Variants in TKT observed in about 807,000 individuals in gnomAD.
TKT encodes transketolase.
A neutral mutation model predicts 63.9 loss-of-function variants in TKT; 47 were observed. The ratio of observed to expected loss-of-function variants is 0.74; its 90% CI spans 0.58 to 0.94. The LOEUF is 0.94. Among genes scored for constraint, TKT ranks in the 40% least tolerant of loss-of-function variants. The pLI, the probability that TKT is intolerant of heterozygous loss-of-function variation, is 0.00. For missense variants in TKT, 721 were observed against 846.2 expected, an observed-to-expected ratio of 0.85 and a Z score of 1.84; for synonymous variants, 338 against 334.1, an observed-to-expected ratio of 1.01 and a Z score of -0.13.
Position 53,237,405 on chromosome 3 carries a change from CAAAA to C in TKT, c.438-2235_438-2232del, listed in dbSNP as rs372971651. On this transcript the variant is annotated intron_variant, in intron 4 of 13. Transcript: ENST00000462138. ...TCCATCTCAAAAAAACAAAACAAAA[CAAAA>C]AAAACCAGCTCTCCACTGTTAATAT... Among the ~76,000 whole-genome samples, 845 of 147,970 alleles carry C rather than the reference CAAAA, an allele frequency of 5.7e-3. 4 individuals are homozygous for C. The highest frequency in any genetic ancestry group is 0.019 in the African/African-American group (781 of 40,126).
At chr3:53,226,080 T>TCGGCAGCG in intron 13 of TKT, 149 bp from the exon 14 acceptor site, 1 of 666,346 alleles carries the variant, frequency 1.5e-6, no homozygotes, top group Admixed American at 3.4e-5. Context: ...ACATAACTCA[T>TCGGCAGCG]TGATTTTTTT....
At chr3:53,243,261 G>A (rs1410555976) in intron 1 of TKT, among the ~76,000 whole-genome samples, 1 of 152,048 alleles carries the variant, frequency 6.6e-6, no homozygotes, top group Non-Finnish European at 1.5e-5. Context: ...AAGCCCTCTG[G>A]TCCCAGGGTT....
chr3:53,228,465 T>C (rs1437450077), intron 10 of TKT, 106 bp from the exon 11 acceptor site: 1 of 1,273,050 alleles, frequency 7.9e-7, no homozygotes, highest in African/African-American at 1.5e-5. Flanking sequence ...CGTTAGTTAC[T>C]GCATCCTGGC....
chr3:53,235,820 T>G (rs1404750540), intron 4 of TKT, among the ~76,000 whole-genome samples: 2 of 152,220 alleles, frequency 1.3e-5, no homozygotes, highest in African/African-American at 4.8e-5. Flanking sequence ...ACCTGGCTCT[T>G]TCTCTACCAC....
At chr3:53,249,692 G>A (rs1705666561) in intron 1 of TKT, among the ~76,000 whole-genome samples, 1 of 151,622 alleles carries the variant, frequency 6.6e-6, no homozygotes. Context: ...TCCACCCAGT[G>A]CACAAATGCA....
At chr3:53,252,459 CCTT>C (rs1705791369) in intron 1 of TKT, among the ~76,000 whole-genome samples, 1 of 152,216 alleles carries the variant, frequency 6.6e-6, no homozygotes, top group Non-Finnish European at 1.5e-5. Flanking sequence ...AGTTTTCCCT[CCTT>C]TTTTGCATAT....
At position 53,228,987 on chromosome 3, in the gene TKT, A is replaced by G; in HGVS notation, c.1395+20T>C. On this transcript the variant is annotated intron_variant, in intron 10 of 13. Coordinates refer to ENST00000462138, the MANE Select transcript of TKT (RefSeq NM_001064.4). Reference sequence around the variant, plus strand: ...GAAGTGATGGCTGCCAGCAGGAGAAAGAACAGCCATGCAACCTACCTTTGT... The same window carrying G: ...GAAGTGATGGCTGCCAGCAGGAGAAGGAACAGCCATGCAACCTACCTTTGT... 6.2e-7 allele frequency: 1 copy of G among 1,613,710 alleles called. No homozygotes were observed. Among genetic ancestry groups the G allele is most frequent in the East Asian group, 2.2e-5 (1 of 44,882 alleles).
rs559894202 is a variant in TKT, at chr3:53,228,689, A to G, written c.1395+318T>C. 49 of 509,088 alleles carry G rather than the reference A, an allele frequency of 9.6e-5. No homozygotes were observed. In the East Asian group the frequency reaches 1.7e-3, roughly 17 times the overall value. 31.5% of individuals were successfully genotyped at this position (509,088 alleles called of 1,614,324 possible). A position where few individuals can be genotyped will look rare whatever the true frequency, so the allele number is the denominator to read the frequency against. On this transcript the variant is annotated intron_variant, in intron 10 of 13. Transcript: ENST00000462138. ...TGGCATGCAGCTCCGGGCCTGGACC[A>G]CAGGGCTCAGCTCATCCTTGCCTGT...
chr3:53,233,097 C>A, intron 6 of TKT, 59 bp downstream of exon 6: 1 of 1,457,198 alleles, frequency 6.9e-7, no homozygotes. Context: ...GTCAGAGCTA[C>A]GTAGCCACAG....
chr3:53,229,150 G>T lies in TKT; in HGVS notation c.1265-13C>A. The T allele has an allele frequency of 6.2e-7, 1 of 1,614,118 alleles. No homozygotes were observed. The highest frequency in any genetic ancestry group is 1.1e-5 in the South Asian group (1 of 91,084). On this transcript the variant is annotated splice_polypyrimidine_tract_variant and intron_variant, in intron 9 of 13. Transcript: ENST00000462138. ...GGCCCGTCTTCCCCTGGGGTGTGGG[G>T]GAAAGGATATGCAGAAATAAGACCC...
At position 53,242,204 on chromosome 3, in the gene TKT, GC is replaced by G; in HGVS notation, c.145del (p.Ala49LeufsTer50). 1.2e-6 allele frequency: 2 copies of G among 1,614,142 alleles called. No individual in the cohort carries two copies. The highest frequency in any genetic ancestry group is 1.7e-6 in the Non-Finnish European group (2 of 1,180,026). Reference sequence around the variant, plus strand: ...GCGCATGGTGTGGAAAAAGAGGACAGCCATGATCTCTGCGGCGCTGCAGCAT... The same window carrying G: ...GCGCATGGTGTGGAAAAAGAGGACAGCATGATCTCTGCGGCGCTGCAGCAT... ...TSCCSAAEIM[A>X]VLFFHTMRYK... On this transcript the variant is annotated frameshift_variant, in exon 2 of 14. Coordinates refer to ENST00000462138, the MANE Select transcript of TKT (RefSeq NM_001064.4). LOFTEE classifies it high-confidence loss of function.
Position 53,242,247 on chromosome 3 carries a change from G to A in TKT, c.108-5C>T. ...CTGCAGCATGACGTGGGGTGGCTGTGGCCCAGGAGAGAAGACAGACACAGG... is the reference window on the plus strand; with the variant it reads ...CTGCAGCATGACGTGGGGTGGCTGTAGCCCAGGAGAGAAGACAGACACAGG... On this transcript the variant is annotated splice_region_variant and splice_polypyrimidine_tract_variant and intron_variant, in intron 1 of 13. Transcript: ENST00000462138. The A allele has an allele frequency of 6.2e-7, 1 of 1,613,656 alleles. No individual in the cohort carries two copies. The highest frequency in any genetic ancestry group is 2.2e-5 in the East Asian group (1 of 44,884).
At chr3:53,228,026 T>G in intron 12 of TKT, 30 bp downstream of exon 12, 1 of 1,603,234 alleles carries the variant, frequency 6.2e-7, no homozygotes, top group South Asian at 1.1e-5. Flanking sequence ...GGCCGCTCAG[T>G]TGATGACTTT....
chr3:53,228,574 G>A (rs1320090532), intron 10 of TKT: 1 of 571,024 alleles, frequency 1.8e-6, no homozygotes, highest in African/African-American at 1.9e-5. Flanking sequence ...CAGACCGAAG[G>A]CAACTTTCCA....
Position 53,229,183 on chromosome 3 carries a change from C to G in TKT, c.1265-46G>C, listed in dbSNP as rs577359444. The G allele has an allele frequency of 3.7e-6, 6 of 1,613,564 alleles. No homozygotes were observed. The African/African-American group carries it at 4.0e-5, about 11-fold the overall frequency. The stretch of plus-strand genomic sequence containing the variant: ...TATGCAGAAATAAGACCCCTACCCC[C>G]CCATCCATGGGCTGGAATCCTGGCC... On this transcript the variant is annotated intron_variant, in intron 9 of 13. Coordinates refer to ENST00000462138, the MANE Select transcript of TKT (RefSeq NM_001064.4).
At chr3:53,231,661 T>C in intron 6 of TKT, 111 bp from the exon 7 acceptor site, 3 of 1,182,898 alleles carry the variant, frequency 2.5e-6, no homozygotes, top group Middle Eastern at 2.7e-4. Flanking sequence ...AAGGGAGGAA[T>C]GGCATCATCC....
chr3:53,232,921 T>TCC lies in TKT; in HGVS notation c.748+233_748+234dup, dbSNP rs782739604. On this transcript the variant is annotated intron_variant, in intron 6 of 13. Coordinates refer to ENST00000462138, the MANE Select transcript of TKT (RefSeq NM_001064.4). ...CTCACCCACAGACCCTCCAAGTCCC[T>TCC]CCTCTCCTCCTGCCTGTACATGCCC... The TCC allele has an allele frequency of 1.2e-5, 6 of 503,296 alleles. No individual in the cohort carries two copies. The East Asian group carries it at 2.0e-4, about 17-fold the overall frequency. 31.2% of individuals were successfully genotyped at this position (503,296 alleles called of 1,614,324 possible).
chr3:53,242,304 C>T (rs553865670), intron 1 of TKT, 62 bp from the exon 2 acceptor site: 1 of 1,525,494 alleles, frequency 6.6e-7, no homozygotes, highest in Admixed American at 1.7e-5. Context: ...AGCTATTGTG[C>T]TCAGCTGTAC....
At chr3:53,243,169 G>C (rs782816973) in intron 1 of TKT, among the ~76,000 whole-genome samples, 1 of 152,020 alleles carries the variant, frequency 6.6e-6, no homozygotes, top group African/African-American at 2.4e-5. Flanking sequence ...ATCACTGAGC[G>C]GCTCCTGAGC....
Sources: allele counts gnomAD v4.1 joint callset (sites outside exome capture counted in the v4.1 genomes callset), GRCh38; gene constraint gnomAD v4.1.1; transcripts MANE v1.5; gene names NCBI Gene and HGNC (gene_info 2026-07-23, HGNC 2026-07-21).